The following ENO4 variants were observed in gnomAD, a reference collection of about 807,000 sequenced individuals.
The protein encoded by ENO4 is 2-phospho-D-glycerate hydro-lyase.
A neutral mutation model predicts 63.2 loss-of-function variants in ENO4; 53 were observed. The observed-to-expected ratio is 0.84, with a 90% CI of 0.67 to 1.05. The LOEUF is 1.05. ENO4 is among the 50% of genes least tolerant of loss of function. The probability of loss-of-function intolerance (pLI) is 0.00; values close to 1 mark genes in which losing one functional copy is unlikely to be tolerated. For synonymous variants in ENO4, 266 were observed against 283.8 expected, an observed-to-expected ratio of 0.94 and a Z score of 0.63; for missense variants, 719 against 772.0, an observed-to-expected ratio of 0.93 and a Z score of 0.81.
downstream of ENO4, among the ~76,000 whole-genome samples, chr10:116,912,005 A>G (rs1165268388): frequency 2.6e-5 from 4 of 152,238 alleles, no homozygotes. Flanking sequence ...AAAAAATACT[A>G]GCCATGTTAG....
intron 4 of ENO4, among the ~76,000 whole-genome samples, 168 bp downstream of exon 4, chr10:116,859,306 C>T (rs1429687521): frequency 6.6e-6 from 1 of 152,228 alleles, no homozygotes. Flanking sequence ...TTGCCCCCAT[C>T]CCACTCTCCT....
At chr10:116,886,294 T>C (rs1333454373), downstream of ENO4, 1 of 1,551,026 alleles carries the variant, frequency 6.4e-7, no homozygotes, top group Non-Finnish European at 8.7e-7. Context: ...ACACTAATCA[T>C]GTGCTTATTG....
In ENO4 at chr10:116,849,637, TG is replaced by T; in HGVS notation, c.73del (p.Glu25SerfsTer47). On this transcript the variant is annotated frameshift_variant, in exon 1 of 14. Transcript: ENST00000341276. LOFTEE classifies it high-confidence loss of function. Reference protein sequence around the residue: ...RELQKLKQQAMEYYRENDVPR... With the variant: ...RELQKLKQQAXEYYRENDVPR... ...CTGCAGAAGCTGAAGCAGCAGGCGA[TG>T]GAGTACTACCGGGAGAACGACGTTC... 6.5e-7 allele frequency: 1 copy of T among 1,550,222 alleles called. No homozygotes were observed. The highest frequency in any genetic ancestry group is 8.7e-7 in the Non-Finnish European group (1 of 1,146,820).
chr10:116,849,634 C>T lies in ENO4; in HGVS notation c.68C>T (p.Ala23Val), dbSNP rs1043913458. The T allele has an allele frequency of 2.6e-6, 4 of 1,550,076 alleles. No individual in the cohort carries two copies. The African/African-American group carries it at 4.1e-5, about 16-fold the overall frequency. ...TRELQKLKQQ[A>V]MEYYRENDVP... ...GAGCTGCAGAAGCTGAAGCAGCAGG[C>T]GATGGAGTACTACCGGGAGAACGAC... Residue 23 changes from alanine (A) to valine (V), a missense_variant, in exon 1 of 14, where the codon GCG becomes GTG. Physicochemically the swap from Ala to Val is moderately conservative, Grantham distance 64. This residue lies in a region of ENO4 where 544 missense variants were observed against 583.6 expected (regional missense o/e 0.93). Coordinates refer to ENST00000341276, the MANE Select transcript of ENO4 (RefSeq NM_001242699.2).
downstream of ENO4, chr10:116,911,902 A>C: frequency 8.0e-7 from 1 of 1,244,834 alleles, no homozygotes; most frequent in Non-Finnish European, 1.2e-6. Flanking sequence ...ATACTAAACA[A>C]TGATTTTTAC....
chr10:116,901,858 T>C (rs763035635), intron 10 of ENO4: 3 of 1,606,994 alleles, frequency 1.9e-6, no homozygotes, highest in Non-Finnish European at 2.5e-6. Context: ...GAATTCTGCC[T>C]CCAGAGTTTT....
chr10:116,911,219 G>C (rs958025006), intron 10 of ENO4, among the ~76,000 whole-genome samples: 2 of 152,150 alleles, frequency 1.3e-5, no homozygotes, highest in Non-Finnish European at 2.9e-5. Flanking sequence ...AGTTTGAAAA[G>C]CAAAAATATG....
chr10:116,881,512 TAGGTTTCAA>T lies in ENO4; in HGVS notation c.1724_1732del (p.Gly575_Lys577del). The T allele has an allele frequency of 6.5e-7, 1 of 1,534,898 alleles. No individual in the cohort carries two copies. Among genetic ancestry groups the T allele is most frequent in the Admixed American group, 2.1e-5 (1 of 47,900 alleles). On this transcript the variant is annotated splice_acceptor_variant and coding_sequence_variant, in exon 14 of 14. Coordinates refer to ENST00000341276, the MANE Select transcript of ENO4 (RefSeq NM_001242699.2). LOFTEE classifies it high-confidence loss of function. ...CAGTAAACTTTATTGTTACTTTAAATAGGTTTCAAAGAAGAACACACTTTTTTTTACTTT... is the reference window on the plus strand; with the variant it reads ...CAGTAAACTTTATTGTTACTTTAAATAGAAGAACACACTTTTTTTTACTTT...
rs150427030 is a variant in ENO4 at position 116,856,470 on chromosome 10, A to G, written c.295-22A>G. On this transcript the variant is annotated intron_variant, in intron 2 of 13. Coordinates refer to ENST00000341276, the MANE Select transcript of ENO4 (RefSeq NM_001242699.2). ...TCTGGGAGAGGTAGGGAAAGTGTTG[A>G]ACACATTTATATGATTTTCAGAACG... 1.1e-4 allele frequency: 161 copies of G among 1,531,294 alleles called. 1 individual carries two copies. The African/African-American group carries it at 1.9e-3, about 18-fold the overall frequency. The allele number at this position is 1,531,294 out of a possible 1,614,324, so 94.9% of individuals were successfully genotyped here.
At chr10:116,853,067 G>A (rs1034745594) in intron 1 of ENO4, among the ~76,000 whole-genome samples, 12 of 152,004 alleles carry the variant, frequency 7.9e-5, no homozygotes, top group African/African-American at 2.7e-4. Flanking sequence ...AGGCTGAGGC[G>A]GGCGGATCAC....
At chr10:116,877,243 A>G (rs1846864103) in intron 11 of ENO4, among the ~76,000 whole-genome samples, 1 of 152,160 alleles carries the variant, frequency 6.6e-6, no homozygotes, top group Admixed American at 6.5e-5. Context: ...CTACCACTTT[A>G]TGCTCTAGAT....
At chr10:116,870,881 C>T (rs1846673922) in intron 8 of ENO4, among the ~76,000 whole-genome samples, 1 of 152,026 alleles carries the variant, frequency 6.6e-6, no homozygotes, top group Non-Finnish European at 1.5e-5. Context: ...AACACAGACA[C>T]ACTAAAGAGA....
chr10:116,885,250 A>ATTAAAGAATT (rs1847130016), downstream of ENO4: 1 of 152,646 alleles, frequency 6.6e-6, no homozygotes, highest in African/African-American at 2.4e-5. Context: ...TAATAGTAAA[A>ATTAAAGAATT]TTACCATTAC....
At chr10:116,878,736 A>G (rs886411331) in intron 11 of ENO4, among the ~76,000 whole-genome samples, 10 of 102,294 alleles carry the variant, frequency 9.8e-5, no homozygotes, top group African/African-American at 3.3e-4. Context: ...TTTACAAATC[A>G]TATATCTTTT....
At position 116,873,007 on chromosome 10, in the gene ENO4, C is replaced by A. The variant is rs561274165; in HGVS notation, c.1216-1069C>A. ...AAAAATTGCATGTTTTCATCAGCAA[C>A]GTATACCAGGAACTATGAATATACT... On this transcript the variant is annotated intron_variant, in intron 9 of 13. Transcript: ENST00000341276. Among the ~76,000 whole-genome samples the A allele has an allele frequency of 3.3e-3, 508 of 152,154 alleles. 1 individual carries two copies. The highest frequency in any genetic ancestry group is 4.8e-3 in the Non-Finnish European group (329 of 68,006).
intron 10 of ENO4, among the ~76,000 whole-genome samples, chr10:116,894,866 A>G (rs975880382): frequency 3.3e-5 from 5 of 152,354 alleles, no homozygotes; most frequent in African/African-American, 1.2e-4. Context: ...AGAGGGCAAG[A>G]AAACATGAAA....
chr10:116,877,258 G>A (rs1173236923), intron 11 of ENO4, among the ~76,000 whole-genome samples: 1 of 152,098 alleles, frequency 6.6e-6, no homozygotes, highest in Admixed American at 6.5e-5. Context: ...CTAGATTCTA[G>A]ATAAGGAGTC....
intron 1 of ENO4, among the ~76,000 whole-genome samples, chr10:116,850,879 A>G (rs1301212063): frequency 6.6e-6 from 1 of 152,200 alleles, no homozygotes; most frequent in Non-Finnish European, 1.5e-5. Flanking sequence ...CAGAAGAAAA[A>G]AAATCAAACC....
intron 7 of ENO4, among the ~76,000 whole-genome samples, chr10:116,867,098 A>G (rs1367771607): frequency 6.6e-6 from 1 of 152,168 alleles, no homozygotes; most frequent in Non-Finnish European, 1.5e-5. Context: ...ACAGGAGATG[A>G]TAGGAGTGGA....
Sources: allele counts gnomAD v4.1 joint callset (sites outside exome capture counted in the v4.1 genomes callset), GRCh38; gene constraint gnomAD v4.1.1; regional missense constraint gnomAD v4.1.1; transcripts MANE v1.5; gene names NCBI Gene and HGNC (gene_info 2026-07-23, HGNC 2026-07-21).